Variants in FAM107B observed in about 807,000 individuals in gnomAD.
FAM107B encodes the protein protein FAM107B.
A neutral mutation model predicts 31.5 loss-of-function variants in FAM107B; 21 were observed. The observed-to-expected ratio is 0.67, with a 90% CI of 0.47 to 0.96. FAM107B has a LOEUF of 0.96. Among genes scored for constraint, FAM107B ranks in the 40% least tolerant of loss-of-function variants. The pLI, the probability that FAM107B is intolerant of heterozygous loss-of-function variation, is 0.00. For missense variants in FAM107B, 452 were observed against 377.1 expected, an observed-to-expected ratio of 1.20 and a Z score of -1.64; for synonymous variants, 157 against 141.5, an observed-to-expected ratio of 1.11 and a Z score of -0.78.
At chr10:14,534,157 A>T (rs1288001455) in intron 2 of FAM107B, among the ~76,000 whole-genome samples, 3 of 152,164 alleles carry the variant, frequency 2.0e-5, no homozygotes, top group Non-Finnish European at 4.4e-5. Context: ...GTCTGAGTTA[A>T]GCATGGAGAC....
intron 2 of FAM107B, among the ~76,000 whole-genome samples, chr10:14,610,891 T>C (rs1025473237): frequency 6.6e-6 from 1 of 152,266 alleles, no homozygotes; most frequent in African/African-American, 2.4e-5. Flanking sequence ...GAGTTTTATT[T>C]TCCAAACATT....
At chr10:14,598,914 T>C (rs1852275137) in intron 2 of FAM107B, among the ~76,000 whole-genome samples, 1 of 152,180 alleles carries the variant, frequency 6.6e-6, no homozygotes, top group Admixed American at 6.5e-5. Context: ...AGCTGGGGCC[T>C]GGATCCTCAC....
rs188113399 is a variant in FAM107B at position 14,524,739 on chromosome 10, A to C, written c.654-2720T>G. ...AGGGGTTTAAATTTTAGGATTAAGAATTTAGCTATCTGAATAATTTAAATT... is the reference window on the plus strand; with the variant it reads ...AGGGGTTTAAATTTTAGGATTAAGACTTTAGCTATCTGAATAATTTAAATT... On this transcript the variant is annotated intron_variant, in intron 3 of 4. Coordinates refer to ENST00000181796, the MANE Select transcript of FAM107B (RefSeq NM_031453.4). Among the ~76,000 whole-genome samples, 14 of 152,354 alleles carry C rather than the reference A, an allele frequency of 9.2e-5. No homozygotes were observed. In the East Asian group the frequency reaches 2.3e-3, roughly 25 times the overall value.
At chr10:14,587,390 C>A (rs1851879478) in intron 2 of FAM107B, among the ~76,000 whole-genome samples, 1 of 152,116 alleles carries the variant, frequency 6.6e-6, no homozygotes, top group African/African-American at 2.4e-5. Flanking sequence ...CATATTTATC[C>A]AATCGCGGGA....
At chr10:14,569,457 T>C (rs1851003577) in intron 2 of FAM107B, among the ~76,000 whole-genome samples, 1 of 152,090 alleles carries the variant, frequency 6.6e-6, no homozygotes, top group Admixed American at 6.5e-5. Flanking sequence ...GATCATAACA[T>C]GTGGTGATCT....
chr10:14,590,989 C>CAAAAA (rs35000609), intron 2 of FAM107B, among the ~76,000 whole-genome samples: 4 of 67,000 alleles, frequency 6.0e-5, no homozygotes, highest in Non-Finnish European at 1.1e-4. Context: ...AACTCCATCT[C>CAAAAA]AAAAAAAAAA....
intron 2 of FAM107B, among the ~76,000 whole-genome samples, chr10:14,573,380 C>G (rs1190674370): frequency 6.6e-6 from 1 of 152,056 alleles, no homozygotes; most frequent in East Asian, 1.9e-4. Flanking sequence ...CAAGAAGGCC[C>G]TCACCAGATG....
chr10:14,562,515 A>G (rs1233250558), intron 2 of FAM107B, among the ~76,000 whole-genome samples: 1 of 152,244 alleles, frequency 6.6e-6, no homozygotes, highest in African/African-American at 2.4e-5. Context: ...CAACTATATC[A>G]TAAGAAATGT....
At chr10:14,714,577 A>G (rs75993580) in intron 1 of FAM107B, among the ~76,000 whole-genome samples, 3,427 of 152,292 alleles carry the variant, frequency 0.023, 149 homozygotes, top group African/African-American at 0.078. Flanking sequence ...TTAGCAGGCA[A>G]CGAGGGTACA....
chr10:14,696,651 G>A (rs1855272616), intron 1 of FAM107B, among the ~76,000 whole-genome samples: 1 of 152,072 alleles, frequency 6.6e-6, no homozygotes, highest in South Asian at 2.1e-4. Context: ...TTTGTTGGGA[G>A]GTTTCGATTA....
chr10:14,560,203 AT>A (rs1045088000), intron 2 of FAM107B, among the ~76,000 whole-genome samples: 9 of 148,236 alleles, frequency 6.1e-5, no homozygotes, highest in African/African-American at 9.9e-5. Context: ...TGGGTGGCTT[AT>A]TTTTTTTTTC....
intron 1 of FAM107B, among the ~76,000 whole-genome samples, chr10:14,691,904 A>G (rs1442301671): frequency 6.6e-6 from 1 of 151,566 alleles, no homozygotes; most frequent in East Asian, 1.9e-4. Context: ...AAAAAAAAAA[A>G]AAAAAAATTA....
chr10:14,651,194 G>T (rs571703128), intron 2 of FAM107B, among the ~76,000 whole-genome samples: 1 of 152,308 alleles, frequency 6.6e-6, no homozygotes, highest in African/African-American at 2.4e-5. Flanking sequence ...TAAGGAGCCT[G>T]GGAAATATTG....
chr10:14,526,540 G>A, intron 3 of FAM107B, among the ~76,000 whole-genome samples: 1 of 152,110 alleles, frequency 6.6e-6, no homozygotes, highest in East Asian at 1.9e-4. Context: ...TTACATTTCT[G>A]GTTTAGTCAT....
chr10:14,652,860 T>C (rs1186579679), intron 2 of FAM107B: 1 of 152,210 alleles, frequency 6.6e-6, no homozygotes, highest in African/African-American at 2.4e-5. Flanking sequence ...GTTATAGTCA[T>C]CCGAAGGAGT....
chr10:14,623,157 T>G (rs1018095271), intron 2 of FAM107B, among the ~76,000 whole-genome samples: 3 of 152,260 alleles, frequency 2.0e-5, no homozygotes, highest in African/African-American at 7.2e-5. Flanking sequence ...GGTGTTCATC[T>G]TTTGTTGATT....
intron 2 of FAM107B, among the ~76,000 whole-genome samples, chr10:14,564,136 T>C (rs961327678): frequency 6.6e-6 from 1 of 152,182 alleles, no homozygotes; most frequent in Admixed American, 6.5e-5. Context: ...TTTAAGATTC[T>C]CAAATACTTT....
chr10:14,675,960 C>T (rs1854672346), intron 1 of FAM107B, among the ~76,000 whole-genome samples: 1 of 152,098 alleles, frequency 6.6e-6, no homozygotes, highest in African/African-American at 2.4e-5. Flanking sequence ...GAGTTCAAGA[C>T]CAGCCTAGGC....
chr10:14,621,504 G>A lies in FAM107B; in HGVS notation c.469+46130C>T, dbSNP rs116699169. Among the ~76,000 whole-genome samples, 695 of 152,326 alleles carry A rather than the reference G, an allele frequency of 4.6e-3. 4 individuals carry two copies. Among genetic ancestry groups the A allele is most frequent in the African/African-American group, 0.016 (656 of 41,576 alleles). ...ATTTTGTGGCTAGACATAAGCCAAC[G>A]CCACAGGGCAAGGAAAAATTAAAAC... On this transcript the variant is annotated intron_variant, in intron 2 of 4. Transcript: ENST00000181796.
Sources: gnomAD v4.1 joint callset for allele counts (sites outside exome capture counted in the v4.1 genomes callset) on GRCh38, gnomAD v4.1.1 for gene constraint, MANE v1.5 for transcripts, NCBI Gene and HGNC (gene_info 2026-07-23, HGNC 2026-07-21) for gene names.